Variants in ULK4 observed in about 807,000 individuals in gnomAD.
ULK4 encodes the protein unc-51 like kinase 4.
Under a neutral mutation model 160.6 loss-of-function variants are expected in ULK4, and 133 were observed. The ratio of observed to expected loss-of-function variants is 0.83; its 90% confidence interval spans 0.72 to 0.96. The LOEUF (loss-of-function observed/expected upper bound fraction) is 0.96, where lower values mean the gene tolerates loss of function less well. Ranked by LOEUF, ULK4 falls within the 40% of genes least tolerant of loss-of-function variation. The pLI is 0.00. For missense variants in ULK4, 1,580 were observed against 1,499.5 expected (o/e 1.05, Z -0.89); for synonymous variants, 534 against 539.8 (o/e 0.99, Z 0.15).
chr3:41,598,137 G>A (rs1649322631), intron 31 of ULK4, among the ~76,000 whole-genome samples: 1 of 152,112 alleles, frequency 6.6e-6, no homozygotes, highest in African/African-American at 2.4e-5. Context: ...TCAAAGCAGA[G>A]ATGTCCTGGT....
intron 5 of ULK4, 93 bp downstream of exon 5, chr3:41,931,751 G>T: frequency 6.9e-7 from 1 of 1,445,520 alleles, no homozygotes; most frequent in Non-Finnish European, 9.5e-7. Flanking sequence ...TTATTTGAGT[G>T]GCAAAACAAA....
chr3:41,780,746 C>A (rs1425490763), intron 21 of ULK4, among the ~76,000 whole-genome samples: 2 of 152,138 alleles, frequency 1.3e-5, no homozygotes, highest in African/African-American at 4.8e-5. Context: ...CTTAGGGAAC[C>A]CCAAAGCTAT....
At chr3:41,704,988 G>A (rs1322383169) in intron 27 of ULK4, 69 bp downstream of exon 27, 1 of 1,252,564 alleles carries the variant, frequency 8.0e-7, no homozygotes, top group African/African-American at 1.5e-5. Context: ...CTGTAAACGA[G>A]GCCTCTTTAT....
Position 41,939,867 on chromosome 3 carries a change from G to A in ULK4, c.139-1670C>T, listed in dbSNP as rs929388847. Among the ~76,000 whole-genome samples, 5 of 152,106 alleles carry A rather than the reference G, an allele frequency of 3.3e-5. No homozygotes were observed. In the East Asian group the frequency reaches 9.7e-4, roughly 29 times the overall value. On this transcript the variant is annotated intron_variant, in intron 2 of 36. Coordinates refer to ENST00000301831, the MANE Select transcript of ULK4 (RefSeq NM_017886.4). ...CAAACCCTATTGTGAACTGTGCATA[G>A]GAGGGATCTAGGCTGCGCACTCCTT...
At chr3:41,280,787 A>G (rs1575390054) in intron 35 of ULK4, among the ~76,000 whole-genome samples, 1 of 152,344 alleles carries the variant, frequency 6.6e-6, no homozygotes, top group African/African-American at 2.4e-5. Context: ...AAGCTAGCAG[A>G]AGGCAAGAAA....
intron 34 of ULK4, among the ~76,000 whole-genome samples, chr3:41,413,792 C>T (rs2082463138): frequency 6.6e-6 from 1 of 152,174 alleles, no homozygotes; most frequent in African/African-American, 2.4e-5. Context: ...AAACTTCACC[C>T]TATATTATTT....
chr3:41,343,321 T>C (rs2080726465), intron 35 of ULK4, among the ~76,000 whole-genome samples: 1 of 144,324 alleles, frequency 6.9e-6, no homozygotes, highest in Non-Finnish European at 1.5e-5. Flanking sequence ...TTTTTTTTTT[T>C]TGAGATGGAG....
intron 19 of ULK4, among the ~76,000 whole-genome samples, chr3:41,815,455 A>G (rs192756280): frequency 1.3e-5 from 2 of 151,288 alleles, no homozygotes; most frequent in Admixed American, 1.3e-4. Context: ...TTAACAATGA[A>G]ATATACGATT....
At chr3:41,821,985 C>T (rs1201026336) in intron 18 of ULK4, among the ~76,000 whole-genome samples, 1 of 152,186 alleles carries the variant, frequency 6.6e-6, no homozygotes, top group East Asian at 1.9e-4. Context: ...CTTCTCTCTC[C>T]TAATTTTGCT....
intron 14 of ULK4, 121 bp from the exon 15 acceptor site, chr3:41,897,124 A>C: frequency 1.2e-6 from 1 of 804,910 alleles, no homozygotes; most frequent in Non-Finnish European, 1.9e-6. Context: ...TACACTGTCA[A>C]AACCAAAAAT....
intron 17 of ULK4, among the ~76,000 whole-genome samples, chr3:41,875,446 G>A (rs1395980042): frequency 1.3e-5 from 2 of 151,902 alleles, no homozygotes; most frequent in Non-Finnish European, 2.9e-5. Context: ...GGCAACATAG[G>A]GAGACTACGT....
chr3:41,290,830 C>T (rs1480756169), intron 35 of ULK4, among the ~76,000 whole-genome samples: 1 of 152,180 alleles, frequency 6.6e-6, no homozygotes, highest in East Asian at 1.9e-4. Context: ...ATGCAGGAAT[C>T]CTGAAAACTA....
At chr3:41,752,546 G>T (rs1276622164) in intron 22 of ULK4, among the ~76,000 whole-genome samples, 1 of 152,178 alleles carries the variant, frequency 6.6e-6, no homozygotes, top group African/African-American at 2.4e-5. Flanking sequence ...AATTGGAAGT[G>T]ACTGATCTAC....
intron 30 of ULK4, among the ~76,000 whole-genome samples, chr3:41,661,485 G>GCAGATAGA (rs1264687674): frequency 2.2e-5 from 3 of 137,776 alleles, no homozygotes; most frequent in African/African-American, 7.1e-5. Context: ...AGATAGGCAG[G>GCAGATAGA]CAGATAGACA....
At chr3:41,526,595 T>C (rs1234117419) in intron 32 of ULK4, among the ~76,000 whole-genome samples, 1 of 152,222 alleles carries the variant, frequency 6.6e-6, no homozygotes, top group East Asian at 1.9e-4. Context: ...GTTATCACCA[T>C]AGGGACATCA....
chr3:41,323,888 T>C (rs2080292998), intron 35 of ULK4, among the ~76,000 whole-genome samples: 1 of 152,252 alleles, frequency 6.6e-6, no homozygotes, highest in African/African-American at 2.4e-5. Flanking sequence ...TTCCCCTTTT[T>C]TGTGAATGGC....
intron 17 of ULK4, among the ~76,000 whole-genome samples, chr3:41,865,559 C>T (rs758865798): frequency 4.6e-5 from 7 of 152,160 alleles, no homozygotes; most frequent in Non-Finnish European, 8.8e-5. Flanking sequence ...GTTGCTCCTT[C>T]TCAGTCTCCT....
At chr3:41,827,816 T>C (rs1252455504) in intron 18 of ULK4, among the ~76,000 whole-genome samples, 1 of 152,042 alleles carries the variant, frequency 6.6e-6, no homozygotes, top group Admixed American at 6.6e-5. Context: ...AGCATCATCC[T>C]GATACCAAAG....
rs568406782 is a variant in ULK4, at chr3:41,574,531, C to CTTTTTTT, written c.3121-8408_3121-8402dup. Among the ~76,000 whole-genome samples the CTTTTTTT allele has an allele frequency of 8.6e-4, 79 of 92,154 alleles. 11 individuals carry two copies. Among genetic ancestry groups the CTTTTTTT allele is most frequent in the African/African-American group, 2.5e-3 (69 of 28,088 alleles). The allele number at this position is 92,154 out of a possible 152,430, so 60.5% of individuals were successfully genotyped here. A position where few individuals can be genotyped will look rare whatever the true frequency, so the allele number is the denominator to read the frequency against. On this transcript the variant is annotated intron_variant, in intron 31 of 36. Transcript: ENST00000301831. ...CCTCCACTACTGCTACCAGAGTCCT[C>CTTTTTTT]TTTTTTTTTTTTTTTTTTTTTTTTT...
Sources: allele counts gnomAD v4.1 joint callset (sites outside exome capture counted in the v4.1 genomes callset), GRCh38; gene constraint gnomAD v4.1.1; transcripts MANE v1.5; gene names NCBI Gene and HGNC (gene_info 2026-07-23, HGNC 2026-07-21).